Variants in TGIF1 observed in about 807,000 individuals in gnomAD.
The protein encoded by TGIF1 is homeobox protein TGIF1.
In TGIF1, 4 loss-of-function variants were observed where a neutral mutation model predicts 19.3. The ratio of observed to expected loss-of-function variants is 0.21; its 90% CI spans 0.10 to 0.47. The LOEUF (loss-of-function observed/expected upper bound fraction) is 0.47, where lower values mean the gene tolerates loss of function less well. Ranked by LOEUF, TGIF1 falls within the 20% of genes least tolerant of loss-of-function variation. The pLI, the probability that TGIF1 is intolerant of heterozygous loss-of-function variation, is 0.98. For synonymous variants in TGIF1, 122 were observed against 129.3 expected (o/e 0.94, Z 0.38); for missense variants, 275 against 341.4 (o/e 0.81, Z 1.53).
chr18:3,422,440 T>G (rs1422726643), intron 2 of TGIF1, among the ~76,000 whole-genome samples: 5 of 151,468 alleles, frequency 3.3e-5, no homozygotes, highest in Non-Finnish European at 5.9e-5. Context: ...TTTTAAAAAT[T>G]TAAAACTTTA....
chr18:3,450,318 C>A lies in TGIF1; in HGVS notation c.-172C>A, dbSNP rs922672943. On this transcript the variant is annotated 5_prime_UTR_variant, in exon 1 of 3. Coordinates refer to ENST00000343820, the MANE Select transcript of TGIF1 (RefSeq NM_003244.4). ...GCCCAAGTGTCACTTGAATTCCACCCAAGGAGCGGGCGCCTGGGATCAGAG... is the reference window on the plus strand; with the variant it reads ...GCCCAAGTGTCACTTGAATTCCACCAAAGGAGCGGGCGCCTGGGATCAGAG... 2 of 1,454,090 alleles carry A rather than the reference C, an allele frequency of 1.4e-6. No homozygotes were observed. The highest frequency in any genetic ancestry group is 5.4e-5 in the Admixed American group (2 of 37,020). The allele number at this position is 1,454,090 out of a possible 1,614,324, so 90.1% of individuals were successfully genotyped here.
intron 1 of TGIF1, among the ~76,000 whole-genome samples, chr18:3,450,903 G>A (rs533461285): frequency 6.6e-6 from 1 of 152,094 alleles, no homozygotes; most frequent in East Asian, 1.9e-4. Flanking sequence ...TCCCGATCCG[G>A]ACCCAGGCGG....
In TGIF1 at chr18:3,453,427, C is replaced by T. The variant is rs190605148; in HGVS notation, c.16+2922C>T. 2.4e-3 allele frequency among the ~76,000 whole-genome samples: 369 copies of T among 152,116 alleles called. 1 individual carries two copies. Among genetic ancestry groups the T allele is most frequent in the Non-Finnish European group, 3.5e-3 (241 of 67,978 alleles). ...CAGGGCTGGGCGCGGTGGTTCACGC[C>T]TGTAATCCCAGCACTTTGGGAGGCC... On this transcript the variant is annotated intron_variant, in intron 1 of 2. Coordinates refer to ENST00000343820, the MANE Select transcript of TGIF1 (RefSeq NM_003244.4).
intron 2 of TGIF1, among the ~76,000 whole-genome samples, chr18:3,444,531 T>C (rs1402633928): frequency 6.6e-6 from 1 of 152,160 alleles, no homozygotes; most frequent in Non-Finnish European, 1.5e-5. Context: ...TTAGCTCCCA[T>C]ATAGTCTCAC....
At position 3,450,461 on chromosome 18, in the gene TGIF1, T is replaced by C. The variant is rs1224964151; in HGVS notation, c.-29T>C. ...CTCCTGGCCCCTCCAGACCCCCGCC[T>C]TGCCTCGCGCTGGGAGGGGAGATCC... On this transcript the variant is annotated 5_prime_UTR_variant, in exon 1 of 3. Coordinates refer to ENST00000343820, the MANE Select transcript of TGIF1 (RefSeq NM_003244.4). 3 of 1,555,468 alleles carry C rather than the reference T, an allele frequency of 1.9e-6. No homozygotes were observed. The highest frequency in any genetic ancestry group is 2.4e-5 in the East Asian group (1 of 41,102).
chr18:3,435,137 C>T (rs923839430), intron 2 of TGIF1, among the ~76,000 whole-genome samples: 1 of 152,078 alleles, frequency 6.6e-6, no homozygotes, highest in Non-Finnish European at 1.5e-5. Flanking sequence ...GTGAAAAACT[C>T]ATTTCCATTT....
exon 1 of TGIF1, chr18:3,412,099 C>A: frequency 6.4e-6 from 1 of 155,218 alleles, no homozygotes; most frequent in South Asian, 1.8e-4. Context: ...ACGGAAGAGC[C>A]CAGCCTTCGC....
rs937522270 is a variant in TGIF1 at position 3,459,189 on chromosome 18, A to T, written c.*1249A>T. The T allele has an allele frequency of 1.3e-5, 2 of 152,210 alleles. No homozygotes were observed. The highest frequency in any genetic ancestry group is 2.9e-5 in the Non-Finnish European group (2 of 68,036). The allele number at this position is 152,210 out of a possible 1,614,324, so 9.4% of individuals were successfully genotyped here. A position where few individuals can be genotyped will look rare whatever the true frequency, so the allele number is the denominator to read the frequency against. On this transcript the variant is annotated 3_prime_UTR_variant, in exon 3 of 3. Coordinates refer to ENST00000343820, the MANE Select transcript of TGIF1 (RefSeq NM_003244.4). ...ATGAGCTTGCTTTGTTGTTACGGTC[A>T]TGTTCTTTCCAGCCCTGCCCCAGCT... is the stretch of plus-strand genomic sequence containing the variant.
chr18:3,450,132 G>T, upstream of TGIF1: 2 of 1,098,034 alleles, frequency 1.8e-6, no homozygotes, highest in Non-Finnish European at 2.2e-6. Flanking sequence ...GGCTGGGGGC[G>T]GAGGCAGGAC....
intron 2 of TGIF1, among the ~76,000 whole-genome samples, chr18:3,429,011 C>T (rs2082512317): frequency 6.6e-6 from 1 of 152,148 alleles, no homozygotes. Flanking sequence ...CGAGATCGCG[C>T]CACTGCACTC....
At chr18:3,424,469 G>A (rs1243117624) in intron 2 of TGIF1, among the ~76,000 whole-genome samples, 1 of 152,044 alleles carries the variant, frequency 6.6e-6, no homozygotes, top group Non-Finnish European at 1.5e-5. Flanking sequence ...ATCAGCTTCT[G>A]CAAACCAGAT....
At chr18:3,425,272 C>T (rs2082452132) in intron 2 of TGIF1, among the ~76,000 whole-genome samples, 5 of 152,194 alleles carry the variant, frequency 3.3e-5, no homozygotes, top group Admixed American at 3.3e-4. Flanking sequence ...CTTGCTCATA[C>T]CTGGGCATAG....
At chr18:3,453,803 G>T in intron 1 of TGIF1, 7 of 985,040 alleles carry the variant, frequency 7.1e-6, no homozygotes, top group Non-Finnish European at 8.4e-6. Context: ...TGGATAGCGT[G>T]AAAGAAGCTT....
intron 2 of TGIF1, among the ~76,000 whole-genome samples, chr18:3,428,441 A>T (rs1459568958): frequency 1.3e-5 from 2 of 151,774 alleles, no homozygotes; most frequent in East Asian, 3.9e-4. Flanking sequence ...TTTTATTTTT[A>T]AAAATTATTT....
intron 1 of TGIF1, among the ~76,000 whole-genome samples, chr18:3,450,908 A>G (rs2082898167): frequency 6.6e-6 from 1 of 151,816 alleles, no homozygotes; most frequent in African/African-American, 2.4e-5. Flanking sequence ...ATCCGGACCC[A>G]GGCGGCCGGG....
chr18:3,439,161 C>G (rs2082651677), intron 2 of TGIF1, among the ~76,000 whole-genome samples: 1 of 151,972 alleles, frequency 6.6e-6, no homozygotes, highest in African/African-American at 2.4e-5. Context: ...GAGAAGGTGA[C>G]ACTAGATGGG....
At chr18:3,421,019 C>T (rs2082391322) in intron 2 of TGIF1, among the ~76,000 whole-genome samples, 1 of 152,038 alleles carries the variant, frequency 6.6e-6, no homozygotes, top group African/African-American at 2.4e-5. Flanking sequence ...CAAAGACAGA[C>T]TACGTATATG....
Position 3,425,744 on chromosome 18 carries a change from T to C in TGIF1, c.-45+7529T>C, listed in dbSNP as rs188114420. ...AAAAACCCCTAACCTCCAGGCATGCTGGGATATTGATTTGGGTGATGACTG... is the reference window on the plus strand; with the variant it reads ...AAAAACCCCTAACCTCCAGGCATGCCGGGATATTGATTTGGGTGATGACTG... On this transcript the variant is annotated intron_variant, in intron 2 of 3. Coordinates refer to the TGIF1 transcript ENST00000401449. Among the ~76,000 whole-genome samples, 441 of 152,168 alleles carry C rather than the reference T, an allele frequency of 2.9e-3. 2 individuals are homozygous for C. The highest frequency in any genetic ancestry group is 1.0e-2 in the African/African-American group (414 of 41,518).
At chr18:3,424,412 C>A (rs1451438105) in intron 2 of TGIF1, among the ~76,000 whole-genome samples, 1 of 152,132 alleles carries the variant, frequency 6.6e-6, no homozygotes, top group South Asian at 2.1e-4. Flanking sequence ...CTTGCAGGAT[C>A]TGAAACAGGA....
Sources: gnomAD v4.1 joint callset for allele counts (sites outside exome capture counted in the v4.1 genomes callset) on GRCh38, gnomAD v4.1.1 for gene constraint, MANE v1.5 for transcripts, NCBI Gene and HGNC (gene_info 2026-07-23, HGNC 2026-07-21) for gene names.